Variants in ZNG1A observed in about 807,000 individuals in gnomAD.
The protein encoded by ZNG1A is zinc-regulated GTPase metalloprotein activator 1A.
At chr9:138,923 G>T in the ZNG1A span, among the ~76,000 whole-genome samples, 1 of 148,380 alleles carries the variant, frequency 6.7e-6, no homozygotes. Flanking sequence ...AAAAAGAAAA[G>T]AAATATATAT....
chr9:165,465 T>C, the ZNG1A span, among the ~76,000 whole-genome samples: 5 of 135,872 alleles, frequency 3.7e-5, no homozygotes, highest in Non-Finnish European at 7.7e-5. Flanking sequence ...ATGAGAAAGA[T>C]CTATTTAAAA....
chr9:176,485 G>A, the ZNG1A span, among the ~76,000 whole-genome samples: 3 of 150,588 alleles, frequency 2.0e-5, no homozygotes, highest in African/African-American at 7.4e-5. Context: ...GGCTATACAT[G>A]TCTTCTGAAA....
the ZNG1A span, among the ~76,000 whole-genome samples, chr9:129,001 G>A: frequency 6.6e-6 from 1 of 151,786 alleles, no homozygotes; most frequent in African/African-American, 2.4e-5. Context: ...GTACTGGGGG[G>A]TAGTCTGCAC....
chr9:154,909 T>C, the ZNG1A span: 1 of 1,023,464 alleles, frequency 9.8e-7, no homozygotes, highest in East Asian at 2.4e-5. Flanking sequence ...ACGCCTCATG[T>C]AGATCAATAT....
At chr9:133,737 T>G in the ZNG1A span, among the ~76,000 whole-genome samples, 1 of 144,814 alleles carries the variant, frequency 6.9e-6, no homozygotes, top group Non-Finnish European at 1.5e-5. Flanking sequence ...TTCTGATTTA[T>G]GCCCCATTTG....
At chr9:121,997 C>A in the ZNG1A span, 1 of 1,611,800 alleles carries the variant, frequency 6.2e-7, no homozygotes, top group Non-Finnish European at 8.5e-7. Flanking sequence ...TCAGTGTCAT[C>A]CTTCCAGCTC....
the ZNG1A span, among the ~76,000 whole-genome samples, chr9:170,388 T>C: frequency 1.4e-5 from 2 of 145,900 alleles, no homozygotes; most frequent in African/African-American, 2.7e-5. Flanking sequence ...CGCATGTGCA[T>C]GTGCGTGTGT....
At chr9:156,489 T>C in the ZNG1A span, 1 of 1,595,158 alleles carries the variant, frequency 6.3e-7, no homozygotes. Flanking sequence ...ACCTAGTAGC[T>C]TCATTGATAA....
At chr9:151,792 C>G in the ZNG1A span, 1 of 478,966 alleles carries the variant, frequency 2.1e-6, no homozygotes, top group East Asian at 4.2e-5. Flanking sequence ...CCTCATTAAG[C>G]AAACACTTAC....
At chr9:164,790 T>C in the ZNG1A span, among the ~76,000 whole-genome samples, 1 of 151,554 alleles carries the variant, frequency 6.6e-6, no homozygotes. Context: ...TCTAAAAGAA[T>C]GAGTGTAGGA....
At chr9:177,243 G>C in the ZNG1A span, among the ~76,000 whole-genome samples, 1 of 152,160 alleles carries the variant, frequency 6.6e-6, no homozygotes, top group African/African-American at 2.4e-5. Flanking sequence ...AAGGAATTTG[G>C]ATTTTAACCC....
the ZNG1A span, chr9:172,319 A>G: frequency 3.2e-6 from 3 of 949,542 alleles, no homozygotes; most frequent in Non-Finnish European, 4.7e-6. Flanking sequence ...CTTCTAACAA[A>G]ATGTCCGTCC....
At chr9:139,171 T>C in the ZNG1A span, among the ~76,000 whole-genome samples, 1 of 149,460 alleles carries the variant, frequency 6.7e-6, no homozygotes, top group African/African-American at 2.5e-5. Flanking sequence ...ATGTAGAAAA[T>C]GGAATATTAT....
the ZNG1A span, chr9:154,521 C>G: frequency 1.7e-6 from 1 of 593,430 alleles, no homozygotes; most frequent in Non-Finnish European, 3.0e-6. Context: ...TCTGCAAGCA[C>G]TGGGGACTAA....
At chr9:132,721 A>G in the ZNG1A span, among the ~76,000 whole-genome samples, 2 of 54,190 alleles carry the variant, frequency 3.7e-5, 1 homozygote, top group Admixed American at 3.7e-4. Context: ...ATGCCAATTC[A>G]ATATTTGAGA....
At chr9:143,239 CAA>C in the ZNG1A span, among the ~76,000 whole-genome samples, 1 of 147,502 alleles carries the variant, frequency 6.8e-6, no homozygotes, top group African/African-American at 2.6e-5. Context: ...GAGACACAAC[CAA>C]AAAAGAGAAT....
the ZNG1A span, among the ~76,000 whole-genome samples, chr9:159,058 T>C: frequency 1.3e-5 from 2 of 151,600 alleles, no homozygotes; most frequent in African/African-American, 4.8e-5. Context: ...AATTTTGGCA[T>C]TCTATTCCAC....
the ZNG1A span, among the ~76,000 whole-genome samples, chr9:140,365 G>A: frequency 3.6e-4 from 54 of 151,070 alleles, no homozygotes; most frequent in Non-Finnish European, 5.9e-4. Context: ...CCTGACCCCC[G>A]AGCAGCCTAA....
At chr9:154,761 T>C in the ZNG1A span, 5 of 1,597,180 alleles carry the variant, frequency 3.1e-6, no homozygotes, top group South Asian at 1.1e-5. Flanking sequence ...AGGTCTGTTT[T>C]ATTAATGAGA....
Sources: allele counts gnomAD v4.1 joint callset (sites outside exome capture counted in the v4.1 genomes callset), GRCh38; gene constraint gnomAD v4.1.1; transcripts MANE v1.5; gene names NCBI Gene and HGNC (gene_info 2026-07-23, HGNC 2026-07-21).